USH2A: variants seen among roughly 807,000 people sequenced by gnomAD.
USH2A encodes usherin.
A neutral mutation model predicts 538.9 loss-of-function variants in USH2A; 443 were observed. That is an observed-to-expected ratio of 0.82 (90% confidence interval 0.76 to 0.89). USH2A has a LOEUF of 0.89. USH2A is among the 40% of genes least tolerant of loss of function. The probability of loss-of-function intolerance (pLI) is 0.00; values close to 1 mark genes in which losing one functional copy is unlikely to be tolerated. For synonymous variants in USH2A, 2,413 were observed against 2,273.5 expected (o/e 1.06, Z -1.75); for missense variants, 6,633 against 6,324.8 (o/e 1.05, Z -1.65).
intron 4 of USH2A, among the ~76,000 whole-genome samples, chr1:216,361,127 C>T (rs970371118): frequency 2.0e-5 from 3 of 152,046 alleles, no homozygotes; most frequent in Non-Finnish European, 2.9e-5. Context: ...ACCTGATTCA[C>T]GACAACGTTA....
chr1:216,210,734 T>C (rs2035221844), intron 15 of USH2A, among the ~76,000 whole-genome samples: 1 of 151,868 alleles, frequency 6.6e-6, no homozygotes, highest in Non-Finnish European at 1.5e-5. Context: ...TCCAATGAAG[T>C]TGCTATAAAG....
chr1:215,950,134 C>G (rs534241627), intron 37 of USH2A, among the ~76,000 whole-genome samples: 3 of 152,062 alleles, frequency 2.0e-5, no homozygotes, highest in Non-Finnish European at 4.4e-5. Context: ...AAAATATACT[C>G]AACCTTTAAT....
intron 46 of USH2A, among the ~76,000 whole-genome samples, chr1:215,842,611 T>A (rs1361021020): frequency 6.6e-6 from 1 of 152,142 alleles, no homozygotes; most frequent in African/African-American, 2.4e-5. Flanking sequence ...ATGTACACCA[T>A]GGAATACCAT....
chr1:215,836,498 A>ATATAATAT lies in USH2A; in HGVS notation c.9371+1492_9371+1493insATATTATA, dbSNP rs1491303511. 8.4e-4 allele frequency among the ~76,000 whole-genome samples: 15 copies of ATATAATAT among 17,782 alleles called. 1 individual carries two copies. Among genetic ancestry groups the ATATAATAT allele is most frequent in the African/African-American group, 1.4e-3 (9 of 6,526 alleles). The allele number at this position is 17,782 out of a possible 152,430, so 11.7% of individuals were successfully genotyped here. A position where few individuals can be genotyped will look rare whatever the true frequency, so the allele number is the denominator to read the frequency against. On this transcript the variant is annotated intron_variant, in intron 47 of 71. Coordinates refer to ENST00000307340, the MANE Select transcript of USH2A (RefSeq NM_206933.4). ...TATATATAATATATATTATATATATAATATATATTATATATATATAATATA... is the reference window on the plus strand; with the variant it reads ...TATATATAATATATATTATATATATATATAATATATATATATTATATATATATAATATA...
chr1:215,889,635 C>T (rs1037305750), intron 40 of USH2A, among the ~76,000 whole-genome samples: 1 of 152,110 alleles, frequency 6.6e-6, no homozygotes, highest in African/African-American at 2.4e-5. Context: ...GCCGATTTAG[C>T]TCTTTCACCT....
intron 11 of USH2A, among the ~76,000 whole-genome samples, chr1:216,270,772 C>T (rs142469772): frequency 1.9e-4 from 29 of 151,556 alleles, no homozygotes; most frequent in East Asian, 1.2e-3. Flanking sequence ...TGCAGTGGCA[C>T]GAACATAGCT....
chr1:216,258,878 C>T (rs1263447485), intron 11 of USH2A, among the ~76,000 whole-genome samples: 2 of 152,054 alleles, frequency 1.3e-5, no homozygotes, highest in East Asian at 1.9e-4. Flanking sequence ...TAAGAGAAAA[C>T]TAGTTGACAA....
At chr1:216,101,632 G>A (rs2032580701) in intron 21 of USH2A, among the ~76,000 whole-genome samples, 1 of 152,204 alleles carries the variant, frequency 6.6e-6, no homozygotes, top group African/African-American at 2.4e-5. Context: ...TTTGTGTTAA[G>A]CTGAAACACT....
At chr1:216,410,137 C>T (rs1268337848) in intron 3 of USH2A, among the ~76,000 whole-genome samples, 4 of 149,416 alleles carry the variant, frequency 2.7e-5, no homozygotes, top group African/African-American at 1.0e-4. Context: ...TCAATCAAAA[C>T]CACAATGAAA....
intron 68 of USH2A, 63 bp downstream of exon 68, chr1:215,640,495 G>A: frequency 7.5e-6 from 12 of 1,599,100 alleles, no homozygotes; most frequent in Non-Finnish European, 1.0e-5. Flanking sequence ...TTCAGATTTA[G>A]CATCCCGTAA....
intron 21 of USH2A, among the ~76,000 whole-genome samples, chr1:216,102,931 C>G (rs2032627259): frequency 6.6e-6 from 1 of 152,204 alleles, no homozygotes; most frequent in African/African-American, 2.4e-5. Context: ...ATGTTTACAG[C>G]AAGACCTTTC....
intron 51 of USH2A, among the ~76,000 whole-genome samples, chr1:215,788,098 C>T (rs1376404792): frequency 2.0e-5 from 3 of 151,950 alleles, no homozygotes; most frequent in Non-Finnish European, 2.9e-5. Flanking sequence ...AAAAGCCCAA[C>T]TAAATGACAG....
chr1:216,065,187 C>T (rs1474707918), intron 30 of USH2A, among the ~76,000 whole-genome samples: 1 of 152,204 alleles, frequency 6.6e-6, no homozygotes, highest in African/African-American at 2.4e-5. Flanking sequence ...CATTGGTTTA[C>T]AATCTGTGGG....
intron 9 of USH2A, among the ~76,000 whole-genome samples, chr1:216,312,389 G>C (rs1299900395): frequency 2.6e-5 from 4 of 151,872 alleles, no homozygotes; most frequent in Admixed American, 1.3e-4. Context: ...TATTTCTTCT[G>C]TTCCTTTCTC....
intron 10 of USH2A, among the ~76,000 whole-genome samples, chr1:216,291,534 G>A (rs997003333): frequency 7.2e-5 from 11 of 152,090 alleles, no homozygotes; most frequent in Admixed American, 2.6e-4. Flanking sequence ...ATAATCAGCC[G>A]ATAAATGGAT....
At chr1:215,668,427 C>T (rs1316035020) in intron 64 of USH2A, among the ~76,000 whole-genome samples, 1 of 152,144 alleles carries the variant, frequency 6.6e-6, no homozygotes, top group Non-Finnish European at 1.5e-5. Flanking sequence ...AAGAACTGGG[C>T]CTTTGGGCTA....
At chr1:216,129,426 A>T (rs1409020913) in intron 21 of USH2A, among the ~76,000 whole-genome samples, 1 of 152,146 alleles carries the variant, frequency 6.6e-6, no homozygotes, top group Non-Finnish European at 1.5e-5. Flanking sequence ...ACAGCAAACA[A>T]TCTGAAAAAG....
intron 49 of USH2A, among the ~76,000 whole-genome samples, chr1:215,810,585 G>T (rs941128666): frequency 1.3e-5 from 2 of 152,104 alleles, no homozygotes; most frequent in Non-Finnish European, 2.9e-5. Flanking sequence ...TGATCAACTT[G>T]GTCTACTGGT....
intron 35 of USH2A, among the ~76,000 whole-genome samples, chr1:215,981,827 G>A (rs559969131): frequency 2.0e-5 from 3 of 152,188 alleles, no homozygotes; most frequent in East Asian, 3.9e-4. Flanking sequence ...TAAATGTTGT[G>A]GTTTCATTCA....
Sources: allele counts gnomAD v4.1 joint callset (sites outside exome capture counted in the v4.1 genomes callset), GRCh38; gene constraint gnomAD v4.1.1; transcripts MANE v1.5; gene names NCBI Gene and HGNC (gene_info 2026-07-23, HGNC 2026-07-21).